Variants in WDR59 observed in about 807,000 individuals in gnomAD.
WDR59 encodes GATOR2 complex protein WDR59.
In WDR59, 100 loss-of-function variants were observed where a neutral mutation model predicts 131.2. That is an observed-to-expected ratio of 0.76 (90% CI 0.65 to 0.90). The LOEUF (loss-of-function observed/expected upper bound fraction) is 0.90, where lower values mean the gene tolerates loss of function less well. WDR59 is among the 40% of genes least tolerant of loss of function. WDR59 has a pLI of 0.00. For synonymous variants in WDR59, 601 were observed against 466.2 expected, an observed-to-expected ratio of 1.29 and a Z score of -3.72; for missense variants, 1,203 against 1,262.2, an observed-to-expected ratio of 0.95 and a Z score of 0.71.
At chr16:74,975,439 G>A (rs1427836664) in intron 1 of WDR59, among the ~76,000 whole-genome samples, 1 of 151,780 alleles carries the variant, frequency 6.6e-6, no homozygotes, top group Non-Finnish European at 1.5e-5. Context: ...AAGACGGGTG[G>A]ATCACCTAAG....
intron 8 of WDR59, among the ~76,000 whole-genome samples, chr16:74,936,637 C>T (rs145439501): frequency 6.6e-6 from 1 of 152,094 alleles, no homozygotes; most frequent in African/African-American, 2.4e-5. Flanking sequence ...ACCATCCTGG[C>T]CAACATGGTT....
At chr16:74,935,324 C>A (rs113313927) in intron 8 of WDR59, among the ~76,000 whole-genome samples, 1 of 151,824 alleles carries the variant, frequency 6.6e-6, no homozygotes, top group African/African-American at 2.4e-5. Context: ...TGCTGTTAAC[C>A]CAAGATCAGG....
chr16:74,902,639 T>A (rs1003852041), intron 18 of WDR59, among the ~76,000 whole-genome samples: 1 of 152,142 alleles, frequency 6.6e-6, no homozygotes, highest in African/African-American at 2.4e-5. Context: ...CCTCTTGGAT[T>A]GAAAGACCTC....
intron 14 of WDR59, among the ~76,000 whole-genome samples, chr16:74,910,178 G>A (rs572535684): frequency 6.6e-6 from 1 of 152,014 alleles, no homozygotes; most frequent in Non-Finnish European, 1.5e-5. Flanking sequence ...ATGTTGGCCA[G>A]GCTGGTCTCG....
intron 10 of WDR59, among the ~76,000 whole-genome samples, chr16:74,919,606 G>A (rs2029968951): frequency 6.6e-6 from 1 of 152,022 alleles, no homozygotes; most frequent in African/African-American, 2.4e-5. Context: ...GCCTCCCAAA[G>A]TGCTGGGATT....
intron 8 of WDR59, among the ~76,000 whole-genome samples, chr16:74,925,939 C>T (rs1042730963): frequency 1.3e-5 from 2 of 148,806 alleles, no homozygotes; most frequent in Admixed American, 6.7e-5. Flanking sequence ...GAGCTATGAT[C>T]ATACCACTGC....
At chr16:74,913,248 G>A (rs1424271533) in intron 13 of WDR59, among the ~76,000 whole-genome samples, 2 of 151,544 alleles carry the variant, frequency 1.3e-5, no homozygotes, top group African/African-American at 2.4e-5. Context: ...CAGGGGGCCT[G>A]TTCCCAACAC....
At chr16:74,946,156 C>T (rs572768421) in intron 6 of WDR59, among the ~76,000 whole-genome samples, 20 of 152,116 alleles carry the variant, frequency 1.3e-4, no homozygotes, top group Non-Finnish European at 2.6e-4. Context: ...TACAACTGTT[C>T]TATTTTATTA....
At chr16:74,882,829 A>AAAAAAAG (rs1964563938) in intron 25 of WDR59, among the ~76,000 whole-genome samples, 1 of 135,474 alleles carries the variant, frequency 7.4e-6, no homozygotes, top group African/African-American at 2.8e-5. Flanking sequence ...AAAAAAAAAA[A>AAAAAAAG]AAAGAAAGAA....
rs201326142 is a variant in WDR59, at chr16:74,951,488, G to A, written c.296C>T (p.Thr99Ile). 2.4e-5 allele frequency: 39 copies of A among 1,603,002 alleles called. No homozygotes were observed. The highest frequency in any genetic ancestry group is 5.1e-6 in the Non-Finnish European group (6 of 1,175,432). The change falls in exon 4 of 26, where the codon ACA (threonine) becomes ATA (isoleucine). Residue 99 changes from threonine (T) to isoleucine (I), a missense_variant. By Grantham distance (89) the Thr-to-Ile change is moderately conservative. Transcript: ENST00000262144. ...KWKDGSGEVGTTLQGHTRVIS... is the reference protein window; with the variant it reads ...KWKDGSGEVGITLQGHTRVIS... ...GACACGAGTGTGGCCTTGTAAGGTTGTGCCAACTTCCCCACTGCCGTCTTT... is the reference window on the plus strand; with the variant it reads ...GACACGAGTGTGGCCTTGTAAGGTTATGCCAACTTCCCCACTGCCGTCTTT...
intron 25 of WDR59, among the ~76,000 whole-genome samples, chr16:74,881,614 A>C (rs13337962): frequency 0.015 from 2,301 of 152,178 alleles, 40 homozygotes; most frequent in African/African-American, 0.05. Flanking sequence ...GGGGATCATG[A>C]CTGTAATCCC....
intron 25 of WDR59, among the ~76,000 whole-genome samples, chr16:74,875,187 C>T (rs12930398): frequency 0.054 from 8,283 of 152,268 alleles, 228 homozygotes; most frequent in Middle Eastern, 0.088. Flanking sequence ...GTCAGGACAC[C>T]GGGATGCCGC....
chr16:74,907,093 G>A lies in WDR59; in HGVS notation c.1712+1815C>T, dbSNP rs80340757. Among the ~76,000 whole-genome samples, 219 of 152,134 alleles carry A rather than the reference G, an allele frequency of 1.4e-3. 1 individual carries two copies. The highest frequency in any genetic ancestry group is 2.5e-3 in the Admixed American group (38 of 15,272). On this transcript the variant is annotated intron_variant, in intron 17 of 25. Transcript: ENST00000262144. ...CAATAAGGAATCGGGTGTAATGTAG[G>A]TGTTCCCTAGTACTGAACCCCAGTT...
At chr16:74,882,462 G>C (rs542598545) in intron 25 of WDR59, among the ~76,000 whole-genome samples, 2 of 152,080 alleles carry the variant, frequency 1.3e-5, no homozygotes, top group Non-Finnish European at 2.9e-5. Flanking sequence ...ACCAGGTATG[G>C]TGTCTCACAC....
intron 18 of WDR59, among the ~76,000 whole-genome samples, chr16:74,899,516 T>C (rs999872337): frequency 2.0e-5 from 3 of 152,284 alleles, no homozygotes; most frequent in Middle Eastern, 3.4e-3. Context: ...AACTCTGTGA[T>C]TGGACAAGGA....
chr16:74,953,903 G>A (rs1378891926), intron 3 of WDR59, among the ~76,000 whole-genome samples: 1 of 151,846 alleles, frequency 6.6e-6, no homozygotes, highest in African/African-American at 2.4e-5. Context: ...TTGGGAGGCT[G>A]AGGCAGGAGA....
intron 18 of WDR59, among the ~76,000 whole-genome samples, chr16:74,898,745 A>G (rs1319613016): frequency 6.6e-6 from 1 of 152,266 alleles, no homozygotes; most frequent in East Asian, 1.9e-4. Context: ...TTAGCAATGC[A>G]TAATCCGCAG....
chr16:74,932,546 T>A (rs2031480201), intron 8 of WDR59, among the ~76,000 whole-genome samples: 1 of 152,024 alleles, frequency 6.6e-6, no homozygotes, highest in South Asian at 2.1e-4. Flanking sequence ...TGGAGTGCAG[T>A]GGTGTGATCA....
rs1410762983 is a variant in WDR59, at chr16:74,885,803, A to C, written c.2547-8T>G. 2 of 1,608,654 alleles carry C rather than the reference A, an allele frequency of 1.2e-6. No individual in the cohort carries two copies. Among genetic ancestry groups the C allele is most frequent in the Admixed American group, 1.7e-5 (1 of 58,054 alleles). ...TTGGCGGGGTCCAGGAGCCTGGATA[A>C]AGTTAAAAAGATTTCCTGTCAGTTC... On this transcript the variant is annotated splice_region_variant and splice_polypyrimidine_tract_variant and intron_variant, in intron 24 of 25. Coordinates refer to ENST00000262144, the MANE Select transcript of WDR59 (RefSeq NM_030581.4).
Sources: gnomAD v4.1 joint callset for allele counts (sites outside exome capture counted in the v4.1 genomes callset) on GRCh38, gnomAD v4.1.1 for gene constraint, MANE v1.5 for transcripts, NCBI Gene and HGNC (gene_info 2026-07-23, HGNC 2026-07-21) for gene names.